RNF111: variants seen among roughly 807,000 people sequenced by gnomAD.
RNF111 encodes E3 ubiquitin-protein ligase Arkadia.
In RNF111, 17 loss-of-function variants were observed where a neutral mutation model predicts 95.1. That is an observed-to-expected ratio of 0.18 (90% CI 0.12 to 0.27). The LOEUF (loss-of-function observed/expected upper bound fraction) is 0.27, where lower values mean the gene tolerates loss of function less well. Among genes scored for constraint, RNF111 ranks in the 10% least tolerant of loss-of-function variants. The pLI is 1.00. For synonymous variants in RNF111, 440 were observed against 414.8 expected, an observed-to-expected ratio of 1.06 and a Z score of -0.74; for missense variants, 1,189 against 1,210.4, an observed-to-expected ratio of 0.98 and a Z score of 0.26.
intron 5 of RNF111, among the ~76,000 whole-genome samples, chr15:59,063,154 T>G (rs1006200325): frequency 1.4e-4 from 22 of 152,242 alleles, no homozygotes; most frequent in African/African-American, 5.1e-4. Flanking sequence ...GATTGCATGC[T>G]GCTTTTCCCT....
chr15:59,090,228 GT>G lies in RNF111; in HGVS notation c.2643+472del, dbSNP rs562998844. ...TGTTTTTTTGTTTGTTTGTTTGTTTGTTTGTTGTTGTTGTTTTTTTAGATGG... is the reference window on the plus strand; with the variant it reads ...TGTTTTTTTGTTTGTTTGTTTGTTTGTTGTTGTTGTTGTTTTTTTAGATGG... On this transcript the variant is annotated intron_variant, in intron 11 of 13. Coordinates refer to ENST00000348370, the MANE Select transcript of RNF111 (RefSeq NM_017610.8). Among the ~76,000 whole-genome samples the G allele has an allele frequency of 4.6e-3, 658 of 142,462 alleles. 4 individuals carry two copies. Among genetic ancestry groups the G allele is most frequent in the Middle Eastern group, 0.036 (10 of 280 alleles). 93.5% of individuals were successfully genotyped at this position (142,462 alleles called of 152,430 possible).
chr15:59,001,698 CAT>C (rs2039331445), intron 1 of RNF111, among the ~76,000 whole-genome samples: 1 of 152,112 alleles, frequency 6.6e-6, no homozygotes, highest in East Asian at 1.9e-4. Context: ...TGAAGAAAAT[CAT>C]GTGATATAAG....
At position 59,069,413 on chromosome 15, in the gene RNF111, G is replaced by A. The variant is rs76880724; in HGVS notation, c.1686+2330G>A. 9.9e-3 allele frequency among the ~76,000 whole-genome samples: 1,511 copies of A among 152,218 alleles called. 18 individuals are homozygous for A. Among genetic ancestry groups the A allele is most frequent in the East Asian group, 0.061 (314 of 5,182 alleles). On this transcript the variant is annotated intron_variant, in intron 6 of 13. Transcript: ENST00000348370. ...CTTTTCCTACATTCATTAAAGAGCT[G>A]CCAAAAGTCTCATTTACAGAATATT...
intron 1 of RNF111, among the ~76,000 whole-genome samples, chr15:58,989,234 T>C (rs1477377225): frequency 6.6e-6 from 1 of 152,240 alleles, no homozygotes; most frequent in African/African-American, 2.4e-5. Context: ...CACCCTAGTC[T>C]GGTTATATTT....
intron 2 of RNF111, among the ~76,000 whole-genome samples, chr15:59,039,770 G>A (rs752865837): frequency 6.6e-6 from 1 of 151,608 alleles, no homozygotes; most frequent in Non-Finnish European, 1.5e-5. Context: ...AGGCTGGAGT[G>A]CAGTGGTGCG....
intron 6 of RNF111, among the ~76,000 whole-genome samples, chr15:59,070,022 C>T (rs1349768754): frequency 7.9e-6 from 1 of 127,080 alleles, no homozygotes; most frequent in African/African-American, 3.2e-5. Context: ...CCCCACCCCA[C>T]CTCCTGCTTT....
chr15:59,076,697 A>C (rs1048613566), intron 7 of RNF111, among the ~76,000 whole-genome samples: 13 of 152,246 alleles, frequency 8.5e-5, no homozygotes, highest in African/African-American at 2.9e-4. Flanking sequence ...CCGTTTCTAT[A>C]AAAATAAAAT....
chr15:59,095,763 A>T lies in RNF111; in HGVS notation c.*863A>T, dbSNP rs2079166943. 2 of 366,938 alleles carry T rather than the reference A, an allele frequency of 5.5e-6. No individual in the cohort carries two copies. Among genetic ancestry groups the T allele is most frequent in the African/African-American group, 2.1e-5 (1 of 47,994 alleles). 22.7% of individuals were successfully genotyped at this position (366,938 alleles called of 1,614,324 possible). A position where few individuals can be genotyped will look rare whatever the true frequency, so the allele number is the denominator to read the frequency against. ...AAATTTTAGGGAAATTGAAAAAGAC[A>T]TGTAGAATTTGTTGTCTTCTGCTAA... On this transcript the variant is annotated 3_prime_UTR_variant, in exon 14 of 14. Coordinates refer to ENST00000348370, the MANE Select transcript of RNF111 (RefSeq NM_017610.8).
At chr15:58,992,713 G>A (rs915296303) in intron 1 of RNF111, among the ~76,000 whole-genome samples, 2 of 152,122 alleles carry the variant, frequency 1.3e-5, no homozygotes, top group South Asian at 2.1e-4. Context: ...CCAGCTACTC[G>A]GGAGGCTGAG....
In RNF111 at chr15:59,031,098, G is replaced by A; in HGVS notation, c.276G>A (p.Arg92=). 6.2e-7 allele frequency: 1 copy of A among 1,614,142 alleles called. No homozygotes were observed. The highest frequency in any genetic ancestry group is 1.7e-5 in the Admixed American group (1 of 60,010). Residue 92 remains arginine, a synonymous_variant, in exon 2 of 14, where the codon AGG becomes AGA. Coordinates refer to ENST00000348370, the MANE Select transcript of RNF111 (RefSeq NM_017610.8). ...AACAAGAAAAAAGTCTCGTTGTGAGGAAAAAACGCAAAAGCCAGCAGGCTG... is the reference window on the plus strand; with the variant it reads ...AACAAGAAAAAAGTCTCGTTGTGAGAAAAAAACGCAAAAGCCAGCAGGCTG... ...QQEQEKSLVV[R]KKRKSQQAGP...
Position 59,095,027 on chromosome 15 carries a change from T to C in RNF111, c.*127T>C. On this transcript the variant is annotated 3_prime_UTR_variant, in exon 14 of 14. Coordinates refer to ENST00000348370, the MANE Select transcript of RNF111 (RefSeq NM_017610.8). ...TGAACTTAGAGTGCTGGCTCTGCTA[T>C]ATGGTACAACTAATGCTAGACCTAC... is the stretch of plus-strand genomic sequence containing the variant. The C allele has an allele frequency of 1.4e-6, 1 of 730,964 alleles. No homozygotes were observed. 45.3% of individuals were successfully genotyped at this position (730,964 alleles called of 1,614,324 possible).
chr15:59,095,198 T>C lies in RNF111; in HGVS notation c.*298T>C. 3.5e-6 allele frequency: 1 copy of C among 284,824 alleles called. No homozygotes were observed. The highest frequency in any genetic ancestry group is 3.8e-5 in the South Asian group (1 of 26,360). 17.6% of individuals were successfully genotyped at this position (284,824 alleles called of 1,614,324 possible). ...TATTATGGGCTTGTGACCCTAAACT[T>C]GCAGGCAAGGTTAGCTGCTTTAGTA... is the stretch of plus-strand genomic sequence containing the variant. On this transcript the variant is annotated 3_prime_UTR_variant, in exon 14 of 14. Transcript: ENST00000348370.
At chr15:59,047,054 C>T (rs1348907488) in intron 2 of RNF111, among the ~76,000 whole-genome samples, 2 of 151,840 alleles carry the variant, frequency 1.3e-5, no homozygotes, top group Admixed American at 6.6e-5. Flanking sequence ...AACTCCTAGG[C>T]TCAAGCAATC....
intron 1 of RNF111, among the ~76,000 whole-genome samples, chr15:59,025,659 A>C (rs1254913151): frequency 6.6e-6 from 1 of 152,098 alleles, no homozygotes; most frequent in African/African-American, 2.4e-5. Flanking sequence ...AATGGTAGAC[A>C]TATTTCTAGT....
chr15:59,022,755 A>G (rs548132809), intron 1 of RNF111, among the ~76,000 whole-genome samples: 203 of 152,360 alleles, frequency 1.3e-3, no homozygotes, highest in Admixed American at 5.9e-3. Context: ...AGATAATAGG[A>G]AACTTCTCAT....
chr15:59,058,562 A>T lies in RNF111; in HGVS notation c.1366+12A>T. On this transcript the variant is annotated intron_variant, in intron 5 of 13. Transcript: ENST00000348370. ...CACTTCTATAGGAGGTATGTAAAAA[A>T]GTGGGGGAGGGGAGACTTTTTGTCA... 2 of 1,612,212 alleles carry T rather than the reference A, an allele frequency of 1.2e-6. No homozygotes were observed. Among genetic ancestry groups the T allele is most frequent in the Non-Finnish European group, 1.7e-6 (2 of 1,178,358 alleles).
At chr15:58,994,476 T>C (rs1163370637) in intron 1 of RNF111, among the ~76,000 whole-genome samples, 47 of 130,690 alleles carry the variant, frequency 3.6e-4, no homozygotes, top group Non-Finnish European at 2.3e-4. Flanking sequence ...TCTCTCTCTT[T>C]TTTTTTTTTT....
At chr15:59,068,431 A>G (rs1427306174) in intron 6 of RNF111, among the ~76,000 whole-genome samples, 1 of 152,026 alleles carries the variant, frequency 6.6e-6, no homozygotes, top group African/African-American at 2.4e-5. Context: ...ACATGGTGAA[A>G]TCCCATTTCT....
intron 4 of RNF111, among the ~76,000 whole-genome samples, chr15:59,056,970 T>G (rs1387713513): frequency 5.3e-5 from 8 of 152,120 alleles, no homozygotes. Flanking sequence ...ATTCCAGTGA[T>G]TAGTAGATGC....
Sources: gnomAD v4.1 joint callset for allele counts (sites outside exome capture counted in the v4.1 genomes callset) on GRCh38, gnomAD v4.1.1 for gene constraint, MANE v1.5 for transcripts, NCBI Gene and HGNC (gene_info 2026-07-23, HGNC 2026-07-21) for gene names.